IQSEC1: variants seen among roughly 807,000 people sequenced by gnomAD.
IQSEC1 encodes the protein IQ motif and SEC7 domain-containing protein 1.
IQSEC1 carries 31 observed loss-of-function variants against 91.0 expected under a neutral mutation model. The ratio of observed to expected loss-of-function variants is 0.34; its 90% CI spans 0.26 to 0.46. IQSEC1 has a LOEUF of 0.46. Among genes scored for constraint, IQSEC1 ranks in the 20% least tolerant of loss-of-function variants. The pLI, the probability that IQSEC1 is intolerant of heterozygous loss-of-function variation, is 1.00. For synonymous variants in IQSEC1, 699 were observed against 662.6 expected (o/e 1.05, Z -0.84); for missense variants, 1,388 against 1,575.6 (o/e 0.88, Z 2.02).
intron 1 of IQSEC1, among the ~76,000 whole-genome samples, chr3:13,180,401 G>A (rs182719737): frequency 6.6e-5 from 10 of 152,240 alleles, no homozygotes; most frequent in African/African-American, 1.9e-4. Flanking sequence ...AATCTAGTGG[G>A]GACGTGGAGA....
At position 13,244,794 on chromosome 3, in the gene IQSEC1, C is replaced by T. The variant is rs553837862; in HGVS notation, c.272+37917G>A. Among the ~76,000 whole-genome samples the T allele has an allele frequency of 2.6e-5, 4 of 152,124 alleles. No homozygotes were observed. The South Asian group carries it at 8.3e-4, about 32-fold the overall frequency. On this transcript the variant is annotated intron_variant, in intron 1 of 15. Transcript: ENST00000648114. Reference sequence around the variant, plus strand: ...CTCTAGACCTGCCAGCCATTGACCACGAAGCACACACCAAAAAAAGCCTGT... The same window carrying T: ...CTCTAGACCTGCCAGCCATTGACCATGAAGCACACACCAAAAAAAGCCTGT...
chr3:13,130,969 GAAGGA>G (rs1456958384), intron 2 of IQSEC1, among the ~76,000 whole-genome samples: 2 of 144,950 alleles, frequency 1.4e-5, no homozygotes, highest in African/African-American at 2.6e-5. Context: ...AGGAGGGAAA[GAAGGA>G]AAGAAAGAGA....
rs1259610757 is a variant in IQSEC1 at position 12,901,088 on chromosome 3, G to A, written c.3240C>T (p.Pro1080=). 2 of 1,539,866 alleles carry A rather than the reference G, an allele frequency of 1.3e-6. No homozygotes were observed. The highest frequency in any genetic ancestry group is 1.7e-6 in the Non-Finnish European group (2 of 1,144,996). Residue 1080 remains proline, a synonymous_variant, in exon 14 of 14, where the codon CCC becomes CCT. Transcript: ENST00000613206. The part of the protein sequence containing the change: ...GAHAHGHPPL[P]SAHVGHTVHH... Reference sequence around the variant, plus strand: ...GCACTGTGTGCCCCACGTGGGCCGAGGGCAGCGGCGGGTGGCCGTGGGCAT... The same window carrying A: ...GCACTGTGTGCCCCACGTGGGCCGAAGGCAGCGGCGGGTGGCCGTGGGCAT...
chr3:13,084,641 A>G (rs1705705047), intron 2 of IQSEC1, among the ~76,000 whole-genome samples: 1 of 152,174 alleles, frequency 6.6e-6, no homozygotes, highest in Non-Finnish European at 1.5e-5. Context: ...GCCATTCCAG[A>G]TGCCTAAGCC....
At chr3:12,937,039 C>A (rs1488992063) in intron 2 of IQSEC1, among the ~76,000 whole-genome samples, 1 of 151,878 alleles carries the variant, frequency 6.6e-6, no homozygotes, top group Non-Finnish European at 1.5e-5. Flanking sequence ...TTCAGACGAT[C>A]CTCCTGCCTC....
At chr3:13,020,848 T>C (rs1331633833) in intron 1 of IQSEC1, among the ~76,000 whole-genome samples, 1 of 152,194 alleles carries the variant, frequency 6.6e-6, no homozygotes, top group African/African-American at 2.4e-5. Flanking sequence ...ATGTTTTTTA[T>C]TAACTATTTT....
At chr3:13,137,942 A>G (rs548485165) in intron 2 of IQSEC1, among the ~76,000 whole-genome samples, 3 of 152,350 alleles carry the variant, frequency 2.0e-5, no homozygotes, top group South Asian at 2.1e-4. Flanking sequence ...TGACCACTAG[A>G]CAGACCCAGT....
intron 3 of IQSEC1, among the ~76,000 whole-genome samples, chr3:12,933,892 T>G (rs1697929622): frequency 6.6e-6 from 1 of 152,256 alleles, no homozygotes. Context: ...TAAGAAAGAA[T>G]CTACACAGAC....
At chr3:13,046,042 G>T (rs1323223164) in intron 1 of IQSEC1, among the ~76,000 whole-genome samples, 1 of 152,238 alleles carries the variant, frequency 6.6e-6, no homozygotes, top group African/African-American at 2.4e-5. Flanking sequence ...TATGCAATGG[G>T]CATATGAGGA....
chr3:12,974,619 A>C (rs1217985218), intron 1 of IQSEC1, among the ~76,000 whole-genome samples: 1 of 152,254 alleles, frequency 6.6e-6, no homozygotes, highest in African/African-American at 2.4e-5. Flanking sequence ...AAGGGGCAAG[A>C]CAACTTCAGG....
At chr3:13,022,429 T>C in intron 1 of IQSEC1, 18 of 1,043,696 alleles carry the variant, frequency 1.7e-5, no homozygotes, top group Non-Finnish European at 2.1e-5. Context: ...GCCTGCCTCC[T>C]GCCAGGAGAC....
chr3:13,172,803 C>T (rs1269737171), intron 1 of IQSEC1, among the ~76,000 whole-genome samples: 1 of 152,180 alleles, frequency 6.6e-6, no homozygotes, highest in Non-Finnish European at 1.5e-5. Context: ...TCGGCCAGTA[C>T]GGTGAGCTCT....
intron 2 of IQSEC1, among the ~76,000 whole-genome samples, chr3:13,123,334 ATCT>A (rs2018083688): frequency 6.6e-6 from 1 of 152,226 alleles, no homozygotes; most frequent in African/African-American, 2.4e-5. Flanking sequence ...TGTCTCTGAC[ATCT>A]TCTAATAAAA....
At chr3:13,015,853 A>C (rs1703103615) in intron 1 of IQSEC1, 1 of 301,696 alleles carries the variant, frequency 3.3e-6, no homozygotes, top group Non-Finnish European at 4.9e-6. Flanking sequence ...GGCAGGCCCC[A>C]GTCAATAAAT....
intron 4 of IQSEC1, among the ~76,000 whole-genome samples, chr3:12,923,711 G>A (rs1048018514): frequency 2.0e-5 from 3 of 152,228 alleles, no homozygotes; most frequent in Non-Finnish European, 2.9e-5. Flanking sequence ...GATGGCAGGC[G>A]TACTGGCCAG....
chr3:13,161,128 C>T (rs918719293), intron 2 of IQSEC1, among the ~76,000 whole-genome samples: 2 of 152,188 alleles, frequency 1.3e-5, no homozygotes, highest in Non-Finnish European at 2.9e-5. Flanking sequence ...CAGCAGGGGG[C>T]AGGCACGCAG....
chr3:13,010,469 C>T (rs1362560235), intron 1 of IQSEC1, among the ~76,000 whole-genome samples: 1 of 152,100 alleles, frequency 6.6e-6, no homozygotes, highest in African/African-American at 2.4e-5. Context: ...CAGTTTCTGC[C>T]TGGATATGAC....
chr3:12,901,361 G>A lies in IQSEC1; in HGVS notation c.2967C>T (p.Ala989=). ...GTGGGTGGGGGGGTGGCAGGGCTGG[G>A]GCTGAGGGCAGGTGGGCCTGGGGAG... The part of the protein sequence containing the change: ...KPPPQAHLPS[A]PALPPPHPPV... Residue 989 remains alanine, a synonymous_variant, in exon 14 of 14, where the codon GCC becomes GCT. Transcript: ENST00000613206. 6.5e-7 allele frequency: 1 copy of A among 1,536,554 alleles called. No individual in the cohort carries two copies. The highest frequency in any genetic ancestry group is 1.2e-5 in the South Asian group (1 of 83,844).
chr3:12,897,413 T>G lies in IQSEC1; in HGVS notation c.*3570A>C, dbSNP rs981196827. 2.0e-5 allele frequency: 3 copies of G among 152,228 alleles called. No homozygotes were observed. The highest frequency in any genetic ancestry group is 2.9e-5 in the Non-Finnish European group (2 of 68,044). The allele number at this position is 152,228 out of a possible 1,614,324, so 9.4% of individuals were successfully genotyped here. A position where few individuals can be genotyped will look rare whatever the true frequency, so the allele number is the denominator to read the frequency against. ...TGAAGTCTCTGAACAGTCTGGGGAT[T>G]CAGGACCTGATTCTAATTGCTTAAA... On this transcript the variant is annotated 3_prime_UTR_variant, in exon 14 of 14. Coordinates refer to ENST00000613206, the MANE Select transcript of IQSEC1 (RefSeq NM_001134382.3).
Sources: allele counts gnomAD v4.1 joint callset (sites outside exome capture counted in the v4.1 genomes callset), GRCh38; gene constraint gnomAD v4.1.1; transcripts MANE v1.5; gene names NCBI Gene and HGNC (gene_info 2026-07-23, HGNC 2026-07-21).